Variants in MGMT observed in about 807,000 individuals in gnomAD.
MGMT encodes the protein O-6-methylguanine-DNA methyltransferase, also known as methylated-DNA--protein-cysteine methyltransferase.
MGMT carries 14 observed loss-of-function variants against 15.9 expected under a neutral mutation model. The ratio of observed to expected loss-of-function variants is 0.88; its 90% CI spans 0.58 to 1.37. MGMT has a LOEUF of 1.37. Among genes scored for constraint, MGMT ranks in the 40% most tolerant of loss-of-function variants. MGMT has a pLI of 0.00. For missense variants in MGMT, 282 were observed against 268.1 expected, an observed-to-expected ratio of 1.05 and a Z score of -0.36; for synonymous variants, 130 against 118.2, an observed-to-expected ratio of 1.10 and a Z score of -0.65.
intron 2 of MGMT, among the ~76,000 whole-genome samples, chr10:129,664,059 A>G (rs981478444): frequency 2.6e-5 from 4 of 152,338 alleles, no homozygotes; most frequent in East Asian, 1.9e-4. Context: ...AGAAATCCCA[A>G]TGAATATTAG....
intron 4 of MGMT, among the ~76,000 whole-genome samples, chr10:129,759,950 C>T (rs539890517): frequency 4.6e-5 from 7 of 152,336 alleles, no homozygotes; most frequent in African/African-American, 1.4e-4. Context: ...CCAGGGATGG[C>T]GCCCTCCCCA....
At chr10:129,547,834 G>A (rs923497432) in intron 2 of MGMT, among the ~76,000 whole-genome samples, 1 of 152,160 alleles carries the variant, frequency 6.6e-6, no homozygotes, top group Non-Finnish European at 1.5e-5. Context: ...CATTCTAGAG[G>A]CATCTTCTAA....
intron 3 of MGMT, among the ~76,000 whole-genome samples, chr10:129,747,677 A>G (rs1848709816): frequency 6.6e-6 from 1 of 152,102 alleles, no homozygotes; most frequent in African/African-American, 2.4e-5. Context: ...TGGTACCTTA[A>G]TATTAACTAA....
chr10:129,689,710 A>G (rs1847948678), intron 2 of MGMT, among the ~76,000 whole-genome samples: 1 of 152,148 alleles, frequency 6.6e-6, no homozygotes, highest in African/African-American at 2.4e-5. Context: ...ATTGTTGAGA[A>G]GATTCTTGGC....
intron 3 of MGMT, among the ~76,000 whole-genome samples, chr10:129,710,268 G>A (rs540253408): frequency 6.6e-6 from 1 of 152,224 alleles, no homozygotes; most frequent in African/African-American, 2.4e-5. Flanking sequence ...CCTACAGTGC[G>A]GGTGGATACC....
chr10:129,758,344 G>A (rs1467934131), intron 3 of MGMT, among the ~76,000 whole-genome samples: 2 of 152,102 alleles, frequency 1.3e-5, no homozygotes, highest in Admixed American at 1.3e-4. Flanking sequence ...CCCTGGAGGG[G>A]CTGGAGCCCC....
chr10:129,477,430 C>T (rs1474245214), intron 1 of MGMT, among the ~76,000 whole-genome samples: 1 of 152,190 alleles, frequency 6.6e-6, no homozygotes. Context: ...CCCCAAGATT[C>T]ACAGGCTGAA....
rs533796046 is a variant in MGMT at position 129,542,295 on chromosome 10, C to T, written c.125+5918C>T. ...TGCCGAGTCTGTGCTGCCAGTTATC[C>T]CCACGGCCTCTCCGTGCAGGTCGGT... On this transcript the variant is annotated intron_variant, in intron 2 of 4. Coordinates refer to ENST00000651593, the MANE Select transcript of MGMT (RefSeq NM_002412.5). 2.6e-5 allele frequency among the ~76,000 whole-genome samples: 4 copies of T among 152,248 alleles called. No homozygotes were observed. The East Asian group carries it at 7.7e-4, about 29-fold the overall frequency.
chr10:129,702,882 G>T (rs74160271), intron 2 of MGMT, among the ~76,000 whole-genome samples: 2,975 of 152,280 alleles, frequency 0.02, 103 homozygotes, highest in African/African-American at 0.068. Context: ...TTGCCAGTGG[G>T]GAAGCTTGAG....
At chr10:129,523,234 G>A (rs1219651361) in intron 1 of MGMT, among the ~76,000 whole-genome samples, 5 of 152,212 alleles carry the variant, frequency 3.3e-5, no homozygotes, top group African/African-American at 9.6e-5. Context: ...CGGGAGACCC[G>A]GGCCAGAGCC....
At chr10:129,512,934 G>A (rs60317083) in intron 1 of MGMT, among the ~76,000 whole-genome samples, 23,488 of 152,052 alleles carry the variant, frequency 0.15, 2,519 homozygotes, top group African/African-American at 0.3. Flanking sequence ...AGGGTCTTGA[G>A]TAGATATTTG....
At chr10:129,651,254 G>A (rs1025258343) in intron 2 of MGMT, among the ~76,000 whole-genome samples, 1 of 152,128 alleles carries the variant, frequency 6.6e-6, no homozygotes, top group Non-Finnish European at 1.5e-5. Context: ...TTAGGTGCTC[G>A]TTTCTCCAGT....
intron 3 of MGMT, among the ~76,000 whole-genome samples, chr10:129,712,173 T>C (rs930025447): frequency 3.9e-5 from 6 of 152,102 alleles, no homozygotes; most frequent in Non-Finnish European, 7.4e-5. Context: ...TGCCAGCAGG[T>C]ATGGCTGACC....
At position 129,766,913 on chromosome 10, in the gene MGMT, C is replaced by T. The variant is rs758596419; in HGVS notation, c.540C>T (p.Gly180=). 10 of 1,613,348 alleles carry T rather than the reference C, an allele frequency of 6.2e-6. No individual in the cohort carries two copies. Among genetic ancestry groups the T allele is most frequent in the Non-Finnish European group, 8.5e-6 (10 of 1,180,012 alleles). Residue 180 remains glycine (G), a synonymous_variant, in exon 5 of 5, where the codon GGC becomes GGT. Coordinates refer to ENST00000651593, the MANE Select transcript of MGMT (RefSeq NM_002412.5). ...AAGGCCACCGGTTGGGGAAGCCAGGCTTGGGAGGGAGCTCAGGTCTGGCAG... is the reference window on the plus strand; with the variant it reads ...AAGGCCACCGGTTGGGGAAGCCAGGTTTGGGAGGGAGCTCAGGTCTGGCAG... ...AHEGHRLGKP[G]LGGSSGLAGA...
At chr10:129,724,080 G>A (rs1415128487) in intron 3 of MGMT, among the ~76,000 whole-genome samples, 1 of 152,196 alleles carries the variant, frequency 6.6e-6, no homozygotes, top group Non-Finnish European at 1.5e-5. Context: ...AGTGTTCACA[G>A]CAGCTTTGCT....
At chr10:129,695,605 GAGTT>G (rs777349416) in intron 2 of MGMT, among the ~76,000 whole-genome samples, 6 of 152,232 alleles carry the variant, frequency 3.9e-5, no homozygotes, top group African/African-American at 1.2e-4. Flanking sequence ...CATGATGACA[GAGTT>G]AGTCTGTAAG....
chr10:129,483,148 TATA>T (rs1300764523), intron 1 of MGMT, among the ~76,000 whole-genome samples: 2 of 152,208 alleles, frequency 1.3e-5, no homozygotes, highest in Admixed American at 6.5e-5. Context: ...ATTCATGTGA[TATA>T]ATACAACTTC....
At chr10:129,685,903 G>A (rs1432172314) in intron 2 of MGMT, among the ~76,000 whole-genome samples, 1 of 152,130 alleles carries the variant, frequency 6.6e-6, no homozygotes, top group African/African-American at 2.4e-5. Context: ...TTATTTATGT[G>A]CAACTGTATT....
At chr10:129,713,774 C>G (rs1188110184) in intron 3 of MGMT, among the ~76,000 whole-genome samples, 1 of 152,108 alleles carries the variant, frequency 6.6e-6, no homozygotes, top group Admixed American at 6.5e-5. Flanking sequence ...CTTACACCAG[C>G]CCTGCCTCCC....
Sources: gnomAD v4.1 joint callset for allele counts (sites outside exome capture counted in the v4.1 genomes callset) on GRCh38, gnomAD v4.1.1 for gene constraint, MANE v1.5 for transcripts, NCBI Gene and HGNC (gene_info 2026-07-23, HGNC 2026-07-21) for gene names.